AUTS2: variants seen among roughly 807,000 people sequenced by gnomAD.
AUTS2 encodes autism susceptibility gene 2 protein.
Under a neutral mutation model 112.4 loss-of-function variants are expected in AUTS2, and 17 were observed. The ratio of observed to expected loss-of-function variants is 0.15; its 90% CI spans 0.10 to 0.23. AUTS2 has a LOEUF of 0.23. Among genes scored for constraint, AUTS2 ranks in the 10% least tolerant of loss-of-function variants. The pLI is 1.00. For missense variants in AUTS2, 1,510 were observed against 1,701.6 expected, an observed-to-expected ratio of 0.89 and a Z score of 1.98; for synonymous variants, 751 against 702.7, an observed-to-expected ratio of 1.07 and a Z score of -1.09.
intron 13 of AUTS2, 62 bp from the exon 14 acceptor site, chr7:70,777,041 A>T (rs575286337): frequency 2.2e-5 from 34 of 1,524,808 alleles, no homozygotes; most frequent in Middle Eastern, 3.6e-4. Flanking sequence ...GCTTTGGGGA[A>T]ATTGAAGGTG....
intron 5 of AUTS2, among the ~76,000 whole-genome samples, chr7:70,484,921 A>G (rs939695015): frequency 2.0e-5 from 3 of 152,196 alleles, no homozygotes; most frequent in Non-Finnish European, 2.9e-5. Flanking sequence ...GCAAAGTAAA[A>G]CCACAATAAA....
chr7:70,158,657 G>A (rs1376150370), intron 4 of AUTS2, among the ~76,000 whole-genome samples: 1 of 152,070 alleles, frequency 6.6e-6, no homozygotes, highest in Non-Finnish European at 1.5e-5. Flanking sequence ...GATCCTGTGG[G>A]AGTTTGAGTC....
chr7:69,751,498 G>C (rs186761426), intron 1 of AUTS2, among the ~76,000 whole-genome samples: 177 of 152,246 alleles, frequency 1.2e-3, no homozygotes, highest in Admixed American at 8.7e-3. Flanking sequence ...TTTGTTCCGT[G>C]TACTATTCCA....
At chr7:70,713,645 A>C (rs1165170099) in intron 6 of AUTS2, among the ~76,000 whole-genome samples, 2 of 151,818 alleles carry the variant, frequency 1.3e-5, no homozygotes, top group African/African-American at 4.8e-5. Flanking sequence ...CTGTAATCCC[A>C]GCACTTTGGG....
intron 1 of AUTS2, among the ~76,000 whole-genome samples, chr7:69,890,922 G>A (rs1227390413): frequency 2.0e-5 from 3 of 152,146 alleles, no homozygotes; most frequent in African/African-American, 7.2e-5. Context: ...TAGTTGTTAG[G>A]GATAATTATA....
At chr7:70,701,963 C>T (rs762446137) in intron 6 of AUTS2, among the ~76,000 whole-genome samples, 17 of 152,040 alleles carry the variant, frequency 1.1e-4, no homozygotes, top group Non-Finnish European at 2.2e-4. Flanking sequence ...GGACCTGTAC[C>T]CCAAATTCTG....
At chr7:69,772,831 C>T (rs1788724853) in intron 1 of AUTS2, among the ~76,000 whole-genome samples, 1 of 152,172 alleles carries the variant, frequency 6.6e-6, no homozygotes, top group African/African-American at 2.4e-5. Context: ...ATGATTTATA[C>T]CTCTCAGCCC....
chr7:70,491,248 C>G (rs1798216793), intron 5 of AUTS2, among the ~76,000 whole-genome samples: 1 of 152,040 alleles, frequency 6.6e-6, no homozygotes, highest in African/African-American at 2.4e-5. Context: ...TGTCTTTCAT[C>G]TGTCCTATTA....
chr7:70,132,799 T>A (rs942289027), intron 3 of AUTS2, among the ~76,000 whole-genome samples: 8 of 152,114 alleles, frequency 5.3e-5, no homozygotes, highest in Non-Finnish European at 1.2e-4. Context: ...TGGGAGTACT[T>A]CTCTTTCTGG....
chr7:70,363,318 T>C (rs1792362714), intron 4 of AUTS2, among the ~76,000 whole-genome samples: 1 of 152,160 alleles, frequency 6.6e-6, no homozygotes, highest in Admixed American at 6.5e-5. Flanking sequence ...TATCAAAAAT[T>C]ATGGAAAATC....
chr7:70,433,493 C>T (rs1331800961), intron 4 of AUTS2, among the ~76,000 whole-genome samples: 1 of 152,242 alleles, frequency 6.6e-6, no homozygotes, highest in Non-Finnish European at 1.5e-5. Flanking sequence ...AGAGATCACA[C>T]AATCAGGACA....
chr7:70,088,302 T>A (rs1803718576), intron 2 of AUTS2, among the ~76,000 whole-genome samples: 1 of 151,790 alleles, frequency 6.6e-6, no homozygotes. Context: ...TTTGTTTTTG[T>A]ATTTTTAGTA....
intron 2 of AUTS2, among the ~76,000 whole-genome samples, chr7:70,004,382 ATATT>A (rs1799438198): frequency 8.3e-6 from 1 of 120,948 alleles, no homozygotes; most frequent in Non-Finnish European, 1.6e-5. Context: ...ATTCATATAT[ATATT>A]ATATATATGA....
intron 2 of AUTS2, among the ~76,000 whole-genome samples, chr7:70,096,323 G>A (rs560332570): frequency 2.1e-4 from 32 of 152,070 alleles, no homozygotes; most frequent in South Asian, 1.7e-3. Context: ...AAAGCCGGTC[G>A]CAGTGGCTCA....
chr7:70,556,471 A>T (rs574880949), intron 5 of AUTS2, among the ~76,000 whole-genome samples: 1 of 152,304 alleles, frequency 6.6e-6, no homozygotes, highest in Non-Finnish European at 1.5e-5. Flanking sequence ...AAGGACTGGG[A>T]TTGTCATTGC....
At chr7:70,115,970 G>C (rs983354706) in intron 2 of AUTS2, among the ~76,000 whole-genome samples, 1 of 152,130 alleles carries the variant, frequency 6.6e-6, no homozygotes, top group African/African-American at 2.4e-5. Context: ...TGCAGAGCAG[G>C]AATGGACAAG....
intron 4 of AUTS2, among the ~76,000 whole-genome samples, chr7:70,235,058 G>A (rs1039859973): frequency 3.3e-5 from 5 of 152,114 alleles, no homozygotes; most frequent in South Asian, 2.1e-4. Context: ...GTATTATAAC[G>A]GTTTAATATA....
At chr7:70,692,024 G>A (rs1367240436) in intron 5 of AUTS2, among the ~76,000 whole-genome samples, 1 of 151,970 alleles carries the variant, frequency 6.6e-6, no homozygotes, top group Non-Finnish European at 1.5e-5. Context: ...GGGGTTACAG[G>A]TGTGCACCTC....
rs77821707 is a variant in AUTS2 at position 70,035,754 on chromosome 7, A to G, written c.523-82378A>G. Among the ~76,000 whole-genome samples the G allele has an allele frequency of 8.1e-3, 1,234 of 152,116 alleles. 22 individuals are homozygous for G. The highest frequency in any genetic ancestry group is 0.057 in the South Asian group (273 of 4,802). On this transcript the variant is annotated intron_variant, in intron 2 of 18. Transcript: ENST00000342771. ...GTGGTCATAGAGTCTTCATTGCATAATTTCTTGTTCCTCCTCATTTCTTCT... is the reference window on the plus strand; with the variant it reads ...GTGGTCATAGAGTCTTCATTGCATAGTTTCTTGTTCCTCCTCATTTCTTCT...
Sources: gnomAD v4.1 joint callset for allele counts (sites outside exome capture counted in the v4.1 genomes callset) on GRCh38, gnomAD v4.1.1 for gene constraint, MANE v1.5 for transcripts, NCBI Gene and HGNC (gene_info 2026-07-23, HGNC 2026-07-21) for gene names.